GFRA1: variants seen among roughly 807,000 people sequenced by gnomAD.
GFRA1 encodes the protein GDNF family receptor alpha 1.
GFRA1 carries 16 observed loss-of-function variants against 51.6 expected under a neutral mutation model. The observed-to-expected ratio is 0.31, with a 90% CI of 0.21 to 0.47. The LOEUF (loss-of-function observed/expected upper bound fraction) is 0.47. Ranked by LOEUF, GFRA1 falls within the 20% of genes least tolerant of loss-of-function variation. GFRA1 has a pLI of 1.00. For missense variants in GFRA1, 530 were observed against 594.3 expected (o/e 0.89, Z 1.13); for synonymous variants, 270 against 241.3 (o/e 1.12, Z -1.10).
chr10:116,097,450 GT>G (rs1956647818), intron 6 of GFRA1, among the ~76,000 whole-genome samples: 1 of 152,220 alleles, frequency 6.6e-6, no homozygotes, highest in Non-Finnish European at 1.5e-5. Flanking sequence ...CTGCCTGCAG[GT>G]TGGAATCTCT....
intron 5 of GFRA1, among the ~76,000 whole-genome samples, chr10:116,199,036 C>T (rs915426289): frequency 3.3e-5 from 5 of 152,102 alleles, no homozygotes; most frequent in African/African-American, 1.2e-4. Flanking sequence ...GGGAATACTA[C>T]GGGCTGCTGA....
rs1428182789 is a variant in GFRA1, at chr10:116,061,020, G to A, written c.*3378C>T. 6.6e-6 allele frequency: 1 copy of A among 152,190 alleles called. No individual in the cohort carries two copies. The highest frequency in any genetic ancestry group is 2.1e-4 in the South Asian group (1 of 4,820). 9.4% of individuals were successfully genotyped at this position (152,190 alleles called of 1,614,324 possible). A position where few individuals can be genotyped will look rare whatever the true frequency, so the allele number is the denominator to read the frequency against. On this transcript the variant is annotated 3_prime_UTR_variant, in exon 11 of 11. Coordinates refer to ENST00000355422, the MANE Select transcript of GFRA1 (RefSeq NM_005264.8). The stretch of plus-strand genomic sequence containing the variant: ...ATGCTTTGGCTCTCCCACTCTCCTA[G>A]TATAGCAGATGGAGTGCTTGGGAGT...
chr10:116,072,855 C>G (rs1042646097), intron 9 of GFRA1, among the ~76,000 whole-genome samples: 2 of 152,162 alleles, frequency 1.3e-5, no homozygotes. Flanking sequence ...TCCAGTCATT[C>G]CTGCCCTACT....
intron 4 of GFRA1, among the ~76,000 whole-genome samples, chr10:116,226,522 G>C (rs1966305690): frequency 6.6e-6 from 1 of 152,096 alleles, no homozygotes; most frequent in African/African-American, 2.4e-5. Context: ...GCTCTGTATG[G>C]TTCAGAGGGG....
chr10:116,174,246 T>G (rs530659551), intron 5 of GFRA1, among the ~76,000 whole-genome samples: 1 of 152,264 alleles, frequency 6.6e-6, no homozygotes, highest in South Asian at 2.1e-4. Context: ...TTGGTCTATA[T>G]AAATTTGCCA....
At chr10:116,265,521 C>T (rs546183442) in intron 4 of GFRA1, among the ~76,000 whole-genome samples, 1 of 152,294 alleles carries the variant, frequency 6.6e-6, no homozygotes, top group South Asian at 2.1e-4. Flanking sequence ...TTTGCTCTCC[C>T]ACTCCAAGAG....
intron 5 of GFRA1, among the ~76,000 whole-genome samples, chr10:116,139,813 C>A (rs183953651): frequency 6.6e-6 from 1 of 152,218 alleles, no homozygotes; most frequent in East Asian, 1.9e-4. Context: ...CATCGGAGCA[C>A]AGCCTGGGTC....
At chr10:116,183,923 A>G (rs1962467727) in intron 5 of GFRA1, among the ~76,000 whole-genome samples, 1 of 152,104 alleles carries the variant, frequency 6.6e-6, no homozygotes, top group Non-Finnish European at 1.5e-5. Flanking sequence ...CCCCAGATGA[A>G]TCACTCCACT....
intron 5 of GFRA1, among the ~76,000 whole-genome samples, chr10:116,167,168 G>T (rs963286347): frequency 6.6e-6 from 1 of 152,102 alleles, no homozygotes; most frequent in African/African-American, 2.4e-5. Flanking sequence ...CCTTTAAATA[G>T]CAGAAGAACT....
chr10:116,223,187 C>T (rs1000429519), intron 4 of GFRA1, among the ~76,000 whole-genome samples: 7 of 152,094 alleles, frequency 4.6e-5, no homozygotes, highest in South Asian at 2.1e-4. Context: ...CCCCCCAGCA[C>T]GGAATGACAT....
chr10:116,195,602 T>C (rs929582846), intron 5 of GFRA1, among the ~76,000 whole-genome samples: 5 of 152,308 alleles, frequency 3.3e-5, no homozygotes, highest in Admixed American at 1.3e-4. Context: ...GTAATGCTCT[T>C]TTGCCGGTCA....
chr10:116,190,012 G>A (rs775440262), intron 5 of GFRA1, among the ~76,000 whole-genome samples: 3 of 152,158 alleles, frequency 2.0e-5, no homozygotes, highest in Non-Finnish European at 2.9e-5. Flanking sequence ...GAGGCAGAGA[G>A]CGGGACCAGA....
chr10:116,226,752 A>G, intron 4 of GFRA1: 2 of 419,486 alleles, frequency 4.8e-6, no homozygotes, highest in South Asian at 3.5e-5. Context: ...TGTATTATAG[A>G]ACCAGTGGCA....
At chr10:116,204,408 G>T (rs778693383) in intron 5 of GFRA1, among the ~76,000 whole-genome samples, 1 of 152,240 alleles carries the variant, frequency 6.6e-6, no homozygotes, top group South Asian at 2.1e-4. Context: ...GGGCCTAAAA[G>T]AAAGGACACC....
chr10:116,137,014 C>T (rs896868630), intron 5 of GFRA1, among the ~76,000 whole-genome samples: 2 of 152,174 alleles, frequency 1.3e-5, no homozygotes, highest in African/African-American at 4.8e-5. Context: ...TTTCGCTTCT[C>T]AAGGTGACTA....
At chr10:116,271,416 G>T (rs1362217) in intron 2 of GFRA1, among the ~76,000 whole-genome samples, 28,424 of 151,972 alleles carry the variant, frequency 0.19, 3,020 homozygotes, top group East Asian at 0.3. Context: ...CCGCCCCGGG[G>T]CATCCTGGCC....
At chr10:116,196,528 T>A (rs1963772184) in intron 5 of GFRA1, among the ~76,000 whole-genome samples, 1 of 135,208 alleles carries the variant, frequency 7.4e-6, no homozygotes, top group East Asian at 2.0e-4. Context: ...TAAATTTATA[T>A]ATTTATAAAT....
At chr10:116,151,630 T>C (rs1959068243) in intron 5 of GFRA1, among the ~76,000 whole-genome samples, 1 of 152,024 alleles carries the variant, frequency 6.6e-6, no homozygotes, top group Non-Finnish European at 1.5e-5. Flanking sequence ...AGAGCCCCTA[T>C]GGAATTTGCA....
At chr10:116,216,882 T>C (rs1030276494) in intron 4 of GFRA1, among the ~76,000 whole-genome samples, 11 of 152,146 alleles carry the variant, frequency 7.2e-5, no homozygotes, top group South Asian at 2.1e-4. Flanking sequence ...ATGGAGTCAG[T>C]TCACCATTAA....
Sources: allele counts gnomAD v4.1 joint callset (sites outside exome capture counted in the v4.1 genomes callset), GRCh38; gene constraint gnomAD v4.1.1; transcripts MANE v1.5; gene names NCBI Gene and HGNC (gene_info 2026-07-23, HGNC 2026-07-21).